The following TJP2 variants were observed in gnomAD, a reference collection of about 807,000 sequenced individuals.
TJP2 encodes the protein tight junction protein 2.
TJP2 carries 91 observed loss-of-function variants against 133.1 expected under a neutral mutation model. The observed-to-expected ratio is 0.68, with a 90% CI of 0.58 to 0.81. The LOEUF (loss-of-function observed/expected upper bound fraction) is 0.81. TJP2 is among the 40% of genes least tolerant of loss of function. The probability of loss-of-function intolerance (pLI) is 0.00; values close to 1 mark genes in which losing one functional copy is unlikely to be tolerated. For synonymous variants in TJP2, 592 were observed against 583.4 expected, an observed-to-expected ratio of 1.01 and a Z score of -0.21; for missense variants, 1,541 against 1,565.6, an observed-to-expected ratio of 0.98 and a Z score of 0.26.
intron 1 of TJP2, among the ~76,000 whole-genome samples, chr9:69,206,207 A>G (rs1827391211): frequency 6.6e-6 from 1 of 152,196 alleles, no homozygotes. Flanking sequence ...AAAGATGATG[A>G]AAGCACATTG....
At position 69,249,479 on chromosome 9, in the gene TJP2, G is replaced by A. The variant is rs745669564; in HGVS notation, c.2985G>A (p.Pro995=). Residue 995 remains proline (P), a synonymous_variant, in exon 20 of 23, where the codon CCG becomes CCA. Coordinates refer to ENST00000377245, the MANE Select transcript of TJP2 (RefSeq NM_004817.4). Reference sequence around the variant, plus strand: ...CGCCCCCAGCATTCAAGCCAGAGCCGCCCAAGGTACGTGGCTGGGAAGCCC... The same window carrying A: ...CGCCCCCAGCATTCAAGCCAGAGCCACCCAAGGTACGTGGCTGGGAAGCCC... ...NSPPPAFKPE[P]PKAKTQNKEE... 34 of 1,603,662 alleles carry A rather than the reference G, an allele frequency of 2.1e-5. No individual in the cohort carries two copies. Among genetic ancestry groups the A allele is most frequent in the South Asian group, 1.3e-4 (12 of 89,278 alleles).
At chr9:69,140,336 G>T (rs1456439739) in intron 1 of TJP2, among the ~76,000 whole-genome samples, 2 of 152,190 alleles carry the variant, frequency 1.3e-5, no homozygotes, top group African/African-American at 4.8e-5. Flanking sequence ...ACTATTATTA[G>T]CCCTGCTTTA....
At chr9:69,210,750 T>C (rs1319219150) in intron 1 of TJP2, among the ~76,000 whole-genome samples, 1 of 150,302 alleles carries the variant, frequency 6.7e-6, no homozygotes, top group African/African-American at 2.4e-5. Context: ...TTCTTTTTTT[T>C]TTTTTTTTTT....
At chr9:69,158,421 G>C (rs922479849) in intron 2 of TJP2, among the ~76,000 whole-genome samples, 2 of 137,982 alleles carry the variant, frequency 1.4e-5, no homozygotes, top group African/African-American at 5.3e-5. Context: ...TGTGCTTTTT[G>C]TTCCTTTTCC....
chr9:69,253,905 C>T (rs1588168251), intron 22 of TJP2: 2 of 434,944 alleles, frequency 4.6e-6, no homozygotes, highest in South Asian at 2.2e-5. Flanking sequence ...GCAGAGACCT[C>T]GCTGCTGGGT....
intron 1 of TJP2, among the ~76,000 whole-genome samples, chr9:69,189,528 G>C (rs1359152732): frequency 6.6e-6 from 1 of 152,110 alleles, no homozygotes; most frequent in Non-Finnish European, 1.5e-5. Flanking sequence ...AGGCAGGCAG[G>C]AGGATCGCTT....
intron 1 of TJP2, among the ~76,000 whole-genome samples, chr9:69,201,912 A>G (rs118178786): frequency 6.6e-6 from 1 of 152,192 alleles, no homozygotes; most frequent in Admixed American, 6.5e-5. Context: ...AATGTAGTCA[A>G]ATTCATAGAA....
At chr9:69,122,172 C>G (rs1177616825) in intron 1 of TJP2, 1 of 152,266 alleles carries the variant, frequency 6.6e-6, no homozygotes, top group Non-Finnish European at 1.5e-5. Flanking sequence ...GAAACTGTTT[C>G]ACTTTCTGCT....
intron 1 of TJP2, among the ~76,000 whole-genome samples, chr9:69,182,857 C>T (rs1302616005): frequency 5.5e-5 from 8 of 146,176 alleles, no homozygotes; most frequent in Admixed American, 4.2e-4. Flanking sequence ...GGTGCCATCT[C>T]GGCTCACCAC....
At chr9:69,138,916 C>A (rs1587891167) in intron 1 of TJP2, among the ~76,000 whole-genome samples, 1 of 148,506 alleles carries the variant, frequency 6.7e-6, no homozygotes, top group African/African-American at 2.5e-5. Context: ...GATTCCATCT[C>A]AAAAAAAATA....
chr9:69,161,610 AT>A (rs1387194359), intron 2 of TJP2, among the ~76,000 whole-genome samples: 7 of 152,122 alleles, frequency 4.6e-5, no homozygotes, highest in Non-Finnish European at 1.0e-4. Context: ...TGGGTGATCA[AT>A]TTAGGAATGA....
intron 5 of TJP2, among the ~76,000 whole-genome samples, chr9:69,223,080 A>AAG (rs1171295524): frequency 8.8e-6 from 1 of 113,872 alleles, no homozygotes; most frequent in East Asian, 2.0e-4. Flanking sequence ...AAAAAAAAAA[A>AAG]AAAAAAAAAA....
chr9:69,180,610 T>C (rs1825427729), intron 1 of TJP2, among the ~76,000 whole-genome samples: 1 of 152,220 alleles, frequency 6.6e-6, no homozygotes, highest in African/African-American at 2.4e-5. Context: ...GAGTAAGTAA[T>C]GTAGGCTTCG....
chr9:69,155,386 T>C (rs950926743), intron 2 of TJP2, among the ~76,000 whole-genome samples: 2 of 152,186 alleles, frequency 1.3e-5, no homozygotes, highest in African/African-American at 2.4e-5. Flanking sequence ...GGGAAATCAC[T>C]CCAGCAGCCA....
upstream of TJP2, among the ~76,000 whole-genome samples, chr9:69,171,286 G>A (rs561613118): frequency 6.6e-6 from 1 of 152,242 alleles, no homozygotes; most frequent in African/African-American, 2.4e-5. Context: ...GCTCCCTTTT[G>A]TCTAACACTG....
intron 1 of TJP2, among the ~76,000 whole-genome samples, chr9:69,183,814 G>A (rs1046565842): frequency 5.9e-5 from 9 of 152,130 alleles, no homozygotes; most frequent in East Asian, 1.9e-4. Context: ...AGCTCATTGC[G>A]ACCTGTGCCT....
At chr9:69,187,763 T>C (rs1825951709) in intron 1 of TJP2, among the ~76,000 whole-genome samples, 1 of 152,194 alleles carries the variant, frequency 6.6e-6, no homozygotes, top group African/African-American at 2.4e-5. Flanking sequence ...AGAGCAGGGC[T>C]GGTTCTTTGC....
At position 69,212,556 on chromosome 9, in the gene TJP2, C is replaced by A. The variant is rs1266074579; in HGVS notation, c.69C>A (p.Gly23=). 6.2e-7 allele frequency: 1 copy of A among 1,612,834 alleles called. No individual in the cohort carries two copies. Among genetic ancestry groups the A allele is most frequent in the Non-Finnish European group, 8.5e-7 (1 of 1,178,982 alleles). The change falls in exon 2 of 23, where the codon GGC becomes GGA. Residue 23 remains glycine (G), a synonymous_variant. Transcript: ENST00000377245. ...RELSGWLRAP[G]MEELIWEQYT... ...TTGTTCTTTTAAAACAGGCCCCAGG[C>A]ATGGAAGAGCTGATATGGGAACAGT...
chr9:69,139,735 C>T (rs972285700), intron 1 of TJP2, among the ~76,000 whole-genome samples: 1 of 152,212 alleles, frequency 6.6e-6, no homozygotes. Flanking sequence ...CACCATCTCC[C>T]ATTGATGAGC....
Sources: gnomAD v4.1 joint callset for allele counts (sites outside exome capture counted in the v4.1 genomes callset) on GRCh38, gnomAD v4.1.1 for gene constraint, MANE v1.5 for transcripts, NCBI Gene and HGNC (gene_info 2026-07-23, HGNC 2026-07-21) for gene names.